Variants in PCCA observed in about 807,000 individuals in gnomAD.
PCCA encodes propionyl-CoA carboxylase subunit alpha, also known as propionyl-CoA carboxylase alpha chain, mitochondrial.
PCCA carries 74 observed loss-of-function variants against 101.3 expected under a neutral mutation model. The ratio of observed to expected loss-of-function variants is 0.73; its 90% CI spans 0.61 to 0.89. The LOEUF is 0.89. Ranked by LOEUF, PCCA falls within the 40% of genes least tolerant of loss-of-function variation. The pLI is 0.00. For missense variants in PCCA, 891 were observed against 907.0 expected, an observed-to-expected ratio of 0.98 and a Z score of 0.23; for synonymous variants, 294 against 313.6, an observed-to-expected ratio of 0.94 and a Z score of 0.66.
chr13:100,253,778 G>T (rs910728800), intron 8 of PCCA, among the ~76,000 whole-genome samples: 11 of 151,984 alleles, frequency 7.2e-5, no homozygotes, highest in Non-Finnish European at 1.5e-4. Context: ...CTGGGGTGAG[G>T]TAAGGTAGTA....
intron 11 of PCCA, among the ~76,000 whole-genome samples, chr13:100,271,222 C>T (rs1008507575): frequency 6.6e-6 from 1 of 151,990 alleles, no homozygotes; most frequent in Non-Finnish European, 1.5e-5. Context: ...TTTTTAGTTG[C>T]ATTAATTTTG....
intron 1 of PCCA, among the ~76,000 whole-genome samples, chr13:100,094,228 CAA>C (rs1219610982): frequency 3.1e-3 from 169 of 54,018 alleles, no homozygotes; most frequent in African/African-American, 0.01. Context: ...AAATCTGTCT[CAA>C]AAAAAAAAAA....
In PCCA at chr13:100,393,996, T is replaced by A. The variant is rs139853035; in HGVS notation, c.1746+25422T>A. On this transcript the variant is annotated intron_variant, in intron 19 of 23. Transcript: ENST00000376285. ...TTTTTAGTCATGAAATAGTGCAAAC[T>A]CTTAACATTACTTTTGTGGAGCTTT... 3.9e-5 allele frequency among the ~76,000 whole-genome samples: 6 copies of A among 152,340 alleles called. No homozygotes were observed. The East Asian group carries it at 1.2e-3, about 29-fold the overall frequency.
intron 7 of PCCA, among the ~76,000 whole-genome samples, chr13:100,211,827 A>G (rs72658530): frequency 0.015 from 2,259 of 152,068 alleles, 26 homozygotes; most frequent in Non-Finnish European, 0.026. Flanking sequence ...TGCAACGTCA[A>G]CCTCGTGGGC....
chr13:100,133,319 G>A (rs994891156), intron 4 of PCCA, among the ~76,000 whole-genome samples: 2 of 152,120 alleles, frequency 1.3e-5, no homozygotes, highest in Non-Finnish European at 2.9e-5. Context: ...TGTATGATTG[G>A]CAAATAGTTT....
intron 7 of PCCA, among the ~76,000 whole-genome samples, chr13:100,216,070 C>T (rs2059489598): frequency 6.6e-6 from 1 of 151,092 alleles, no homozygotes; most frequent in African/African-American, 2.4e-5. Context: ...CCTTCCCCTT[C>T]CCCTCCCCTT....
intron 16 of PCCA, among the ~76,000 whole-genome samples, chr13:100,326,038 A>G (rs61970473): frequency 0.013 from 2,032 of 152,302 alleles, 30 homozygotes; most frequent in South Asian, 0.055. Context: ...TGGAAGAGAA[A>G]AAGTCTGGAA....
At chr13:100,391,444 A>C (rs887721568) in intron 19 of PCCA, among the ~76,000 whole-genome samples, 24 of 152,164 alleles carry the variant, frequency 1.6e-4, no homozygotes, top group Non-Finnish European at 1.6e-4. Context: ...GCTGGGAGCA[A>C]GAATTGACTT....
At chr13:100,515,302 AT>A in intron 21 of PCCA, 124 bp from the exon 22 acceptor site, 1 of 825,006 alleles carries the variant, frequency 1.2e-6, no homozygotes, top group Non-Finnish European at 2.0e-6. Flanking sequence ...ATTGAGAACC[AT>A]TTGAATTTAA....
chr13:100,418,790 T>C (rs1459977882), intron 19 of PCCA, among the ~76,000 whole-genome samples: 1 of 149,390 alleles, frequency 6.7e-6, no homozygotes. Flanking sequence ...GCCAAGATCA[T>C]GCCATCGTAC....
At chr13:100,349,411 G>GCCA (rs1021001946) in intron 18 of PCCA, among the ~76,000 whole-genome samples, 1 of 152,164 alleles carries the variant, frequency 6.6e-6, no homozygotes, top group Non-Finnish European at 1.5e-5. Flanking sequence ...ACAGGCGTGA[G>GCCA]CCACCGTGCC....
intron 20 of PCCA, 36 bp downstream of exon 20, chr13:100,425,767 C>A: frequency 7.3e-7 from 1 of 1,363,526 alleles, no homozygotes; most frequent in Non-Finnish European, 1.0e-6. Flanking sequence ...AGGGCCTCCT[C>A]AAGTCCAGAA....
chr13:100,162,997 T>C lies in PCCA; in HGVS notation c.468+5657T>C, dbSNP rs947305807. Among the ~76,000 whole-genome samples, 7 of 152,350 alleles carry C rather than the reference T, an allele frequency of 4.6e-5. No individual in the cohort carries two copies. The South Asian group carries it at 1.5e-3, about 32-fold the overall frequency. On this transcript the variant is annotated intron_variant, in intron 6 of 23. Coordinates refer to ENST00000376285, the MANE Select transcript of PCCA (RefSeq NM_000282.4). Reference sequence around the variant, plus strand: ...GTTTGAGAACGTTTCCTTTCCTATATGTTGGCTTAAGGTCAGCTTTTAGAA... The same window carrying C: ...GTTTGAGAACGTTTCCTTTCCTATACGTTGGCTTAAGGTCAGCTTTTAGAA...
chr13:100,460,811 T>G (rs2152941353), intron 21 of PCCA, among the ~76,000 whole-genome samples: 1 of 152,356 alleles, frequency 6.6e-6, no homozygotes, highest in Non-Finnish European at 1.5e-5. Flanking sequence ...AAAACAATTT[T>G]GAACTCCATC....
intron 19 of PCCA, among the ~76,000 whole-genome samples, chr13:100,386,044 A>C (rs2152834459): frequency 6.6e-6 from 1 of 152,348 alleles, no homozygotes; most frequent in African/African-American, 2.4e-5. Flanking sequence ...GGAGATGTGC[A>C]AGAATAGTCA....
chr13:100,291,311 T>A (rs2065102183), intron 12 of PCCA, among the ~76,000 whole-genome samples: 1 of 152,156 alleles, frequency 6.6e-6, no homozygotes, highest in South Asian at 2.1e-4. Context: ...ATGATATGCA[T>A]AGGTTACATG....
At chr13:100,456,048 G>C (rs991592352) in intron 21 of PCCA, among the ~76,000 whole-genome samples, 2 of 152,328 alleles carry the variant, frequency 1.3e-5, no homozygotes. Context: ...TGCAGTGAAT[G>C]AGTTCACTTT....
intron 1 of PCCA, among the ~76,000 whole-genome samples, chr13:100,097,612 G>T (rs919347640): frequency 1.3e-5 from 2 of 152,066 alleles, no homozygotes; most frequent in Non-Finnish European, 2.9e-5. Context: ...CCAGCTACTC[G>T]GGAGGCTGAG....
chr13:100,115,843 A>C (rs772733564), intron 4 of PCCA, among the ~76,000 whole-genome samples: 1 of 152,222 alleles, frequency 6.6e-6, no homozygotes, highest in Non-Finnish European at 1.5e-5. Flanking sequence ...ACCAGAGATT[A>C]TGATACATAA....
Sources: gnomAD v4.1 joint callset for allele counts (sites outside exome capture counted in the v4.1 genomes callset) on GRCh38, gnomAD v4.1.1 for gene constraint, MANE v1.5 for transcripts, NCBI Gene and HGNC (gene_info 2026-07-23, HGNC 2026-07-21) for gene names.